Variants in ACER3 observed in about 807,000 individuals in gnomAD.
The protein encoded by ACER3 is alkCDase 3.
Under a neutral mutation model 48.9 loss-of-function variants are expected in ACER3, and 16 were observed. The ratio of observed to expected loss-of-function variants is 0.33; its 90% confidence interval spans 0.22 to 0.50. ACER3 has a LOEUF of 0.50. Among genes scored for constraint, ACER3 ranks in the 20% least tolerant of loss-of-function variants. The pLI is 0.98. For missense variants in ACER3, 227 were observed against 326.0 expected (o/e 0.70, Z 2.34); for synonymous variants, 109 against 107.8 (o/e 1.01, Z -0.07).
At chr11:76,892,013 G>A (rs1389891943) in intron 1 of ACER3, among the ~76,000 whole-genome samples, 1 of 152,004 alleles carries the variant, frequency 6.6e-6, no homozygotes, top group Admixed American at 6.5e-5. Context: ...TGTATTTCTT[G>A]TTTTCTTTTT....
intron 1 of ACER3, among the ~76,000 whole-genome samples, chr11:76,879,699 A>C (rs1201971091): frequency 6.6e-6 from 1 of 152,206 alleles, no homozygotes; most frequent in Non-Finnish European, 1.5e-5. Flanking sequence ...CCTTTCTGTT[A>C]ATATGACTGA....
chr11:76,976,125 G>A (rs1948436837), intron 3 of ACER3, among the ~76,000 whole-genome samples, 164 bp from the exon 4 acceptor site: 1 of 151,990 alleles, frequency 6.6e-6, no homozygotes, highest in Non-Finnish European at 1.5e-5. Context: ...AAGTTCAAGC[G>A]ATCTTCCAAC....
Position 76,965,477 on chromosome 11 carries a change from G to A in ACER3, c.267+6446G>A, listed in dbSNP as rs189071305. ...AAAGAATGCCACAAAGATACTCCTC[G>A]AGAGGAGCAACTCCAAGACACATAA... On this transcript the variant is annotated intron_variant, in intron 3 of 10. Transcript: ENST00000532485. Among the ~76,000 whole-genome samples the A allele has an allele frequency of 1.8e-3, 269 of 151,268 alleles. 4 individuals are homozygous for A. The highest frequency in any genetic ancestry group is 6.2e-3 in the South Asian group (30 of 4,814).
rs4604914 is a variant in ACER3 at position 76,926,686 on chromosome 11, C to G, written c.214+19C>G. ...CTCACAGGTATGTATAACACTGTAT[C>G]TGAAGAAATGTACAGTATTCAAATG... On this transcript the variant is annotated intron_variant, in intron 2 of 10. Transcript: ENST00000532485. 0.68 allele frequency: 984,970 copies of G among 1,451,712 alleles called. 345,519 individuals carry two copies. The highest frequency in any genetic ancestry group is 0.73 in the Non-Finnish European group (757,578 of 1,043,302). The allele number at this position is 1,451,712 out of a possible 1,614,324, so 89.9% of individuals were successfully genotyped here.
chr11:76,971,659 T>C (rs1046449954), intron 3 of ACER3, among the ~76,000 whole-genome samples: 1 of 152,170 alleles, frequency 6.6e-6, no homozygotes, highest in African/African-American at 2.4e-5. Context: ...GATTGATACT[T>C]TTATACCATC....
intron 2 of ACER3, among the ~76,000 whole-genome samples, chr11:76,933,188 A>ATATATATATATG (rs1381950844): frequency 1.4e-5 from 2 of 147,376 alleles, no homozygotes; most frequent in Admixed American, 6.7e-5. Flanking sequence ...ATATATATAT[A>ATATATATATATG]TATATGAAAC....
intron 7 of ACER3, among the ~76,000 whole-genome samples, chr11:77,007,673 G>A (rs1261175063): frequency 6.6e-6 from 1 of 152,146 alleles, no homozygotes; most frequent in Non-Finnish European, 1.5e-5. Flanking sequence ...TCATTGCCAC[G>A]GGAAGATAGA....
chr11:76,869,034 A>G (rs1945173468), intron 1 of ACER3, among the ~76,000 whole-genome samples: 1 of 152,238 alleles, frequency 6.6e-6, no homozygotes, highest in Non-Finnish European at 1.5e-5. Context: ...GTAATAAACT[A>G]ATAAACCTGT....
intron 2 of ACER3, among the ~76,000 whole-genome samples, chr11:76,931,520 G>A (rs1422933882): frequency 1.3e-5 from 2 of 152,288 alleles, no homozygotes; most frequent in South Asian, 2.1e-4. Context: ...GATGTTAGCT[G>A]GTTATTTTGG....
intron 7 of ACER3, among the ~76,000 whole-genome samples, chr11:77,001,051 T>A (rs1329353902): frequency 6.6e-6 from 1 of 152,218 alleles, no homozygotes; most frequent in African/African-American, 2.4e-5. Context: ...ACACAGTATG[T>A]CTCTTGATTT....
chr11:77,003,316 A>G (rs528251702), intron 7 of ACER3, among the ~76,000 whole-genome samples: 1 of 152,182 alleles, frequency 6.6e-6, no homozygotes, highest in Admixed American at 6.5e-5. Flanking sequence ...GCATTGGTTC[A>G]TTTCATCTAA....
chr11:76,995,284 C>G lies in ACER3; in HGVS notation c.439-3479C>G, dbSNP rs1948888839. On this transcript the variant is annotated intron_variant, in intron 6 of 10. Transcript: ENST00000532485. ...TTAGGACTTTGGCACTCACTATTGCCACTGCCTAGGATACTAGTACCCCAG... is the reference window on the plus strand; with the variant it reads ...TTAGGACTTTGGCACTCACTATTGCGACTGCCTAGGATACTAGTACCCCAG... Among the ~76,000 whole-genome samples the G allele has an allele frequency of 2.6e-5, 4 of 152,064 alleles. No homozygotes were observed. The South Asian group carries it at 8.3e-4, about 31-fold the overall frequency.
chr11:76,868,389 CTCTG>C (rs1037763579), intron 1 of ACER3: 59 of 187,136 alleles, frequency 3.2e-4, no homozygotes, highest in East Asian at 1.9e-3. Flanking sequence ...CTCTCTCTCT[CTCTG>C]TGTGTGTGTG....
chr11:76,934,408 G>A (rs1282133828), intron 2 of ACER3, among the ~76,000 whole-genome samples: 2 of 152,238 alleles, frequency 1.3e-5, no homozygotes, highest in Non-Finnish European at 2.9e-5. Flanking sequence ...ATTGAGCACT[G>A]AGTGAACGAG....
chr11:76,906,544 C>T (rs1244060999), intron 1 of ACER3, among the ~76,000 whole-genome samples: 1 of 152,130 alleles, frequency 6.6e-6, no homozygotes, highest in African/African-American at 2.4e-5. Flanking sequence ...TCCCTAACCT[C>T]CAAGCCTTCA....
intron 4 of ACER3, among the ~76,000 whole-genome samples, chr11:76,984,795 T>C (rs1310318047): frequency 6.6e-6 from 1 of 152,248 alleles, no homozygotes; most frequent in Admixed American, 6.5e-5. Context: ...TAGAAACCTA[T>C]TCAAGCTAGC....
chr11:76,958,963 A>C lies in ACER3; in HGVS notation c.215-16A>C, dbSNP rs375977493. The stretch of plus-strand genomic sequence containing the variant: ...AAGAATTTCATGCTAATTTTTTTTC[A>C]TTTGTTTAATTTCAGTGGTAGGAAT... On this transcript the variant is annotated splice_polypyrimidine_tract_variant and intron_variant, in intron 2 of 10. Coordinates refer to ENST00000532485, the MANE Select transcript of ACER3 (RefSeq NM_018367.7). 40 of 1,613,710 alleles carry C rather than the reference A, an allele frequency of 2.5e-5. 1 individual carries two copies. In the African/African-American group the frequency reaches 4.1e-4, roughly 17 times the overall value.
chr11:76,934,043 GACA>G (rs1192908927), intron 2 of ACER3, among the ~76,000 whole-genome samples: 2 of 150,938 alleles, frequency 1.3e-5, no homozygotes. Context: ...CCACATCTCA[GACA>G]ATGGGCGGCC....
chr11:76,880,289 A>C (rs1472953302), intron 1 of ACER3, among the ~76,000 whole-genome samples: 3 of 152,188 alleles, frequency 2.0e-5, no homozygotes, highest in South Asian at 2.1e-4. Flanking sequence ...TAAAGTTGTA[A>C]ATTTTCCTCT....
Sources: gnomAD v4.1 joint callset for allele counts (sites outside exome capture counted in the v4.1 genomes callset) on GRCh38, gnomAD v4.1.1 for gene constraint, MANE v1.5 for transcripts, NCBI Gene and HGNC (gene_info 2026-07-23, HGNC 2026-07-21) for gene names.